Variants in RASA1 observed in about 807,000 individuals in gnomAD.
RASA1 encodes ras GTPase-activating protein 1.
A neutral mutation model predicts 132.2 loss-of-function variants in RASA1; 25 were observed. The observed-to-expected ratio is 0.19, with a 90% CI of 0.14 to 0.26. RASA1 has a LOEUF of 0.26. RASA1 is among the 10% of genes least tolerant of loss of function. RASA1 has a pLI of 1.00. For synonymous variants in RASA1, 477 were observed against 449.9 expected (o/e 1.06, Z -0.76); for missense variants, 964 against 1,299.2 (o/e 0.74, Z 3.97).
intron 1 of RASA1, among the ~76,000 whole-genome samples, chr5:87,277,629 C>T (rs532979219): frequency 7.9e-5 from 12 of 152,042 alleles, no homozygotes; most frequent in Non-Finnish European, 1.5e-4. Flanking sequence ...TTTAAGCCAC[C>T]CAGACTCTGG....
chr5:87,342,645 C>T (rs147918113), intron 6 of RASA1, among the ~76,000 whole-genome samples: 71 of 152,176 alleles, frequency 4.7e-4, no homozygotes, highest in African/African-American at 1.2e-3. Context: ...CAACACTGTA[C>T]GTGTGGTAAT....
intron 4 of RASA1, among the ~76,000 whole-genome samples, chr5:87,335,709 A>T (rs1247808010): frequency 6.6e-6 from 1 of 152,184 alleles, no homozygotes; most frequent in Non-Finnish European, 1.5e-5. Context: ...TGCAGGCATG[A>T]GCCATCGTGG....
At chr5:87,338,536 A>ATATATTTTTTTTTT in intron 5 of RASA1, among the ~76,000 whole-genome samples, 5 of 85,218 alleles carry the variant, frequency 5.9e-5, no homozygotes, top group African/African-American at 2.2e-4. Flanking sequence ...TATATATAAA[A>ATATATTTTTTTTTT]TTTTTTTTTT....
chr5:87,391,098 A>G lies in RASA1; in HGVS notation c.*215A>G. ...TGCAGGATATTTGCACTATTTCCACATGGAATCAATCTTTAACAACCTCTG... is the reference window on the plus strand; with the variant it reads ...TGCAGGATATTTGCACTATTTCCACGTGGAATCAATCTTTAACAACCTCTG... On this transcript the variant is annotated 3_prime_UTR_variant, in exon 25 of 25. Coordinates refer to ENST00000274376, the MANE Select transcript of RASA1 (RefSeq NM_002890.3). 1 of 628,190 alleles carries G rather than the reference A, an allele frequency of 1.6e-6. No homozygotes were observed. The highest frequency in any genetic ancestry group is 2.9e-6 in the Non-Finnish European group (1 of 350,686). The allele number at this position is 628,190 out of a possible 1,614,324, so 38.9% of individuals were successfully genotyped here.
chr5:87,374,697 T>G (rs940647443), intron 14 of RASA1, 143 bp from the exon 15 acceptor site: 1 of 1,187,826 alleles, frequency 8.4e-7, no homozygotes, highest in Non-Finnish European at 1.2e-6. Context: ...TAATAAAATA[T>G]GTTGTGAATC....
At chr5:87,278,195 C>G (rs1754150543) in intron 1 of RASA1, among the ~76,000 whole-genome samples, 1 of 152,042 alleles carries the variant, frequency 6.6e-6, no homozygotes, top group Non-Finnish European at 1.5e-5. Flanking sequence ...ATTCATTTCT[C>G]TAATTTTTAA....
At chr5:87,376,720 G>C (rs1239468394) in intron 16 of RASA1, 155 bp downstream of exon 16, 5 of 1,222,734 alleles carry the variant, frequency 4.1e-6, no homozygotes, top group Non-Finnish European at 5.7e-6. Context: ...AATTTTGGTA[G>C]AAATAAGTAG....
chr5:87,330,003 G>A (rs1757495228), intron 1 of RASA1, among the ~76,000 whole-genome samples: 1 of 152,046 alleles, frequency 6.6e-6, no homozygotes, highest in Non-Finnish European at 1.5e-5. Context: ...ACTAAGATTA[G>A]GATTTTAGAG....
chr5:87,365,741 G>A (rs1158710036), intron 11 of RASA1, among the ~76,000 whole-genome samples: 1 of 151,956 alleles, frequency 6.6e-6, no homozygotes, highest in Non-Finnish European at 1.5e-5. Flanking sequence ...ACTAGGACCT[G>A]AAAGAAATAC....
chr5:87,317,135 A>T (rs995650568), intron 1 of RASA1, among the ~76,000 whole-genome samples: 1 of 152,124 alleles, frequency 6.6e-6, no homozygotes, highest in Admixed American at 6.5e-5. Context: ...TGCCCGCCTT[A>T]ACCTCCCAAA....
chr5:87,287,075 A>G (rs1244369965), intron 1 of RASA1, among the ~76,000 whole-genome samples: 1 of 146,634 alleles, frequency 6.8e-6, no homozygotes, highest in East Asian at 2.0e-4. Context: ...TACACACCAT[A>G]TATACACACC....
chr5:87,323,415 G>A (rs1398133767), intron 1 of RASA1, among the ~76,000 whole-genome samples: 2 of 152,172 alleles, frequency 1.3e-5, no homozygotes, highest in Admixed American at 1.3e-4. Context: ...TTTTGAGGGA[G>A]AGAGTGGATA....
intron 11 of RASA1, among the ~76,000 whole-genome samples, chr5:87,367,157 C>T (rs1304830048): frequency 6.6e-6 from 1 of 151,918 alleles, no homozygotes; most frequent in Non-Finnish European, 1.5e-5. Context: ...AGACTGAATG[C>T]CAAGGCAAAT....
chr5:87,383,919 C>CCCTT (rs758567236), intron 21 of RASA1, 139 bp downstream of exon 21: 59 of 750,742 alleles, frequency 7.9e-5, no homozygotes, highest in Non-Finnish European at 1.2e-4. Context: ...TTCCAAAGCA[C>CCCTT]CCTTCCTTCC....
At chr5:87,369,141 CA>C (rs1760742762) in intron 11 of RASA1, among the ~76,000 whole-genome samples, 1 of 152,002 alleles carries the variant, frequency 6.6e-6, no homozygotes, top group African/African-American at 2.4e-5. Context: ...TATTGAGTTC[CA>C]AAAACATGCA....
chr5:87,301,585 T>A (rs377143770), intron 1 of RASA1, among the ~76,000 whole-genome samples: 1 of 152,234 alleles, frequency 6.6e-6, no homozygotes, highest in Admixed American at 6.5e-5. Context: ...ATAATAAAAT[T>A]GAATCACATA....
chr5:87,383,622 C>A, intron 20 of RASA1, 91 bp from the exon 21 acceptor site: 3 of 977,182 alleles, frequency 3.1e-6, no homozygotes, highest in Non-Finnish European at 3.0e-6. Context: ...TCTATGAGTA[C>A]TAAAAATTCT....
intron 4 of RASA1, among the ~76,000 whole-genome samples, chr5:87,334,381 AC>A (rs1457232036): frequency 6.6e-6 from 1 of 152,146 alleles, no homozygotes; most frequent in Non-Finnish European, 1.5e-5. Context: ...GATGATGCCC[AC>A]TCACATTGGG....
At chr5:87,343,791 A>G (rs1235453253) in intron 6 of RASA1, among the ~76,000 whole-genome samples, 1 of 152,216 alleles carries the variant, frequency 6.6e-6, no homozygotes, top group East Asian at 1.9e-4. Context: ...CACCATTCAC[A>G]ATAGCCGAGA....
Sources: allele counts gnomAD v4.1 joint callset (sites outside exome capture counted in the v4.1 genomes callset), GRCh38; gene constraint gnomAD v4.1.1; transcripts MANE v1.5; gene names NCBI Gene and HGNC (gene_info 2026-07-23, HGNC 2026-07-21).